The following VPS13B variants were observed in gnomAD, a reference collection of about 807,000 sequenced individuals.
VPS13B encodes the protein intermembrane lipid transfer protein VPS13B.
In VPS13B, 285 loss-of-function variants were observed where a neutral mutation model predicts 426.4. That is an observed-to-expected ratio of 0.67 (90% CI 0.61 to 0.74). VPS13B has a LOEUF of 0.74. Ranked by LOEUF, VPS13B falls within the 30% of genes least tolerant of loss-of-function variation. The probability of loss-of-function intolerance (pLI) is 0.00; values close to 1 mark genes in which losing one functional copy is unlikely to be tolerated. For synonymous variants in VPS13B, 1,676 were observed against 1,676.4 expected, an observed-to-expected ratio of 1.00 and a Z score of 0.01; for missense variants, 4,537 against 4,782.6, an observed-to-expected ratio of 0.95 and a Z score of 1.51.
At chr8:99,835,922 T>C (rs373093935) in intron 54 of VPS13B, among the ~76,000 whole-genome samples, 184 bp downstream of exon 54, 2 of 152,224 alleles carry the variant, frequency 1.3e-5, no homozygotes, top group Non-Finnish European at 2.9e-5. Context: ...AGTATGTATC[T>C]GCAAAGTAGA....
intron 33 of VPS13B, among the ~76,000 whole-genome samples, chr8:99,613,364 T>C (rs1162558337): frequency 6.6e-6 from 1 of 152,238 alleles, no homozygotes; most frequent in Non-Finnish European, 1.5e-5. Flanking sequence ...TGAAAGTTTC[T>C]TGAAGGCAGT....
chr8:99,849,585 C>T (rs1816156068), intron 55 of VPS13B, among the ~76,000 whole-genome samples: 1 of 152,096 alleles, frequency 6.6e-6, no homozygotes, highest in African/African-American at 2.4e-5. Context: ...ATATTAAGAG[C>T]TTTAAAATCC....
chr8:99,135,821 A>T (rs1810043320), intron 11 of VPS13B, 88 bp downstream of exon 11: 1 of 1,541,706 alleles, frequency 6.5e-7, no homozygotes, highest in Non-Finnish European at 8.9e-7. Flanking sequence ...CTTTCTTTTC[A>T]AATAATGCCT....
chr8:99,452,009 G>T (rs1303890065), intron 23 of VPS13B, among the ~76,000 whole-genome samples: 1 of 151,812 alleles, frequency 6.6e-6, no homozygotes, highest in Non-Finnish European at 1.5e-5. Context: ...TTATTTTTGC[G>T]TGCAATCCTT....
intron 33 of VPS13B, among the ~76,000 whole-genome samples, chr8:99,602,346 C>T (rs1321565842): frequency 6.6e-6 from 1 of 152,110 alleles, no homozygotes; most frequent in Non-Finnish European, 1.5e-5. Flanking sequence ...TTTTCTGTTC[C>T]ATTGGTCTAT....
At chr8:99,438,801 A>G (rs1168606122) in intron 22 of VPS13B, among the ~76,000 whole-genome samples, 1 of 152,200 alleles carries the variant, frequency 6.6e-6, no homozygotes. Context: ...CAAATGGAAT[A>G]CTAATTTTAA....
intron 31 of VPS13B, among the ~76,000 whole-genome samples, chr8:99,557,341 A>C (rs1186168687): frequency 6.8e-6 from 1 of 147,930 alleles, no homozygotes; most frequent in Non-Finnish European, 1.5e-5. Flanking sequence ...TATCATTCTT[A>C]TGACTTTGCA....
intron 19 of VPS13B, among the ~76,000 whole-genome samples, chr8:99,372,481 AC>A (rs1298483648): frequency 6.6e-6 from 1 of 152,136 alleles, no homozygotes; most frequent in Non-Finnish European, 1.5e-5. Context: ...AAAACAAATA[AC>A]CCCATCAAAA....
chr8:99,582,651 T>C (rs1826119135), intron 33 of VPS13B, among the ~76,000 whole-genome samples: 1 of 152,012 alleles, frequency 6.6e-6, no homozygotes, highest in South Asian at 2.1e-4. Flanking sequence ...CCACATTTTC[T>C]TTTTTTTCTT....
intron 39 of VPS13B, among the ~76,000 whole-genome samples, chr8:99,742,226 A>C (rs550821427): frequency 6.6e-6 from 1 of 152,378 alleles, no homozygotes; most frequent in African/African-American, 2.4e-5. Context: ...AAAATCTAGA[A>C]GAAATGGATA....
intron 17 of VPS13B, among the ~76,000 whole-genome samples, chr8:99,236,511 A>G (rs1290423748): frequency 1.3e-5 from 2 of 152,186 alleles, no homozygotes; most frequent in Non-Finnish European, 2.9e-5. Context: ...TGGCCCCCCA[A>G]AGTGCTAGGA....
intron 31 of VPS13B, among the ~76,000 whole-genome samples, chr8:99,557,405 C>T (rs965799990): frequency 3.3e-5 from 5 of 151,918 alleles, no homozygotes; most frequent in African/African-American, 4.8e-5. Flanking sequence ...CTTGGTTTTC[C>T]ATTCCTGAGT....
At chr8:99,306,025 AGAT>A (rs1337546841) in intron 19 of VPS13B, among the ~76,000 whole-genome samples, 1 of 152,154 alleles carries the variant, frequency 6.6e-6, no homozygotes, top group African/African-American at 2.4e-5. Context: ...TATTTTTATC[AGAT>A]GACTATTAAG....
intron 19 of VPS13B, among the ~76,000 whole-genome samples, chr8:99,383,275 A>G (rs894136851): frequency 6.6e-6 from 1 of 152,164 alleles, no homozygotes; most frequent in South Asian, 2.1e-4. Context: ...GCTTTTGAAC[A>G]TTAAAAGTTG....
intron 23 of VPS13B, among the ~76,000 whole-genome samples, chr8:99,447,736 ATG>A (rs1464678724): frequency 1.3e-5 from 2 of 152,112 alleles, no homozygotes; most frequent in Non-Finnish European, 2.9e-5. Context: ...ATTTTATAGT[ATG>A]TGTCACATAT....
intron 33 of VPS13B, among the ~76,000 whole-genome samples, chr8:99,587,894 C>A (rs1826390504): frequency 6.6e-6 from 1 of 151,730 alleles, no homozygotes; most frequent in African/African-American, 2.4e-5. Context: ...GAAGTCCTTG[C>A]CCATGCCTAT....
Position 99,653,770 on chromosome 8 carries a change from A to G in VPS13B, c.5909-7584A>G, listed in dbSNP as rs187637993. ...GACATTGATGGTCAAACATTCCAGC[A>G]GCCAATTTAATCCCTTCCTTTTCCT... On this transcript the variant is annotated intron_variant, in intron 34 of 61. Transcript: ENST00000357162. 7.2e-5 allele frequency among the ~76,000 whole-genome samples: 11 copies of G among 152,290 alleles called. No homozygotes were observed. In the East Asian group the frequency reaches 1.9e-3, roughly 27 times the overall value.
At position 99,049,545 on chromosome 8, in the gene VPS13B, GT is replaced by G. The variant is rs112518424; in HGVS notation, c.291+10991del. On this transcript the variant is annotated intron_variant, in intron 3 of 61. Coordinates refer to ENST00000357162, the MANE Select transcript of VPS13B (RefSeq NM_152564.5). ...GAGAAATCAGCTGTTAATTCAATAGGTTTTTTTTTTTTCTTTAATAGGTTAC... is the reference window on the plus strand; with the variant it reads ...GAGAAATCAGCTGTTAATTCAATAGGTTTTTTTTTTTCTTTAATAGGTTAC... Among the ~76,000 whole-genome samples the G allele has an allele frequency of 6.5e-4, 95 of 146,822 alleles. 1 individual carries two copies. Among genetic ancestry groups the G allele is most frequent in the Middle Eastern group, 3.5e-3 (1 of 284 alleles).
intron 17 of VPS13B, among the ~76,000 whole-genome samples, chr8:99,242,558 A>G (rs1255964169): frequency 1.3e-5 from 2 of 152,222 alleles, no homozygotes; most frequent in African/African-American, 2.4e-5. Flanking sequence ...TTCTTATTAG[A>G]AAATTTTAAT....
Sources: gnomAD v4.1 joint callset for allele counts (sites outside exome capture counted in the v4.1 genomes callset) on GRCh38, gnomAD v4.1.1 for gene constraint, MANE v1.5 for transcripts, NCBI Gene and HGNC (gene_info 2026-07-23, HGNC 2026-07-21) for gene names.